EHMT1: variants seen among roughly 807,000 people sequenced by gnomAD.
EHMT1 encodes histone-lysine N-methyltransferase EHMT1.
EHMT1 carries 15 observed loss-of-function variants against 147.2 expected under a neutral mutation model. That is an observed-to-expected ratio of 0.10 (90% CI 0.07 to 0.16). The LOEUF (loss-of-function observed/expected upper bound fraction) is 0.16. Among genes scored for constraint, EHMT1 ranks in the 10% least tolerant of loss-of-function variants. EHMT1 has a pLI of 1.00. For missense variants in EHMT1, 1,587 were observed against 1,772.4 expected (o/e 0.90, Z 1.88); for synonymous variants, 795 against 709.6 (o/e 1.12, Z -1.91).
chr9:137,780,376 T>TGTGATGATGCTGGGATGTGTG lies in EHMT1; in HGVS notation c.2275+666_2275+667insTGCTGGGATGTGTGGTGATGA, dbSNP rs1564746333. Among the ~76,000 whole-genome samples the TGTGATGATGCTGGGATGTGTG allele has an allele frequency of 1.6e-4, 13 of 81,872 alleles. 2 individuals carry two copies. Among genetic ancestry groups the TGTGATGATGCTGGGATGTGTG allele is most frequent in the African/African-American group, 5.9e-4 (13 of 22,068 alleles). 53.7% of individuals were successfully genotyped at this position (81,872 alleles called of 152,430 possible). A position where few individuals can be genotyped will look rare whatever the true frequency, so the allele number is the denominator to read the frequency against. On this transcript the variant is annotated intron_variant, in intron 14 of 26. Transcript: ENST00000460843. Reference sequence around the variant, plus strand: ...GACGTGTGGTGATGACGCTGAGACGTGTGATGACGCTGGGATGTGTGGTGA... The same window carrying TGTGATGATGCTGGGATGTGTG: ...GACGTGTGGTGATGACGCTGAGACGTGTGATGATGCTGGGATGTGTGGTGATGACGCTGGGATGTGTGGTGA...
chr9:137,710,854 C>T, intron 1 of EHMT1, 113 bp from the exon 2 acceptor site: 4 of 1,186,502 alleles, frequency 3.4e-6, no homozygotes, highest in Non-Finnish European at 4.8e-6. Flanking sequence ...GACTGTCCAG[C>T]AGCTCATGGT....
At chr9:137,734,803 G>C (rs1395655919) in intron 4 of EHMT1, among the ~76,000 whole-genome samples, 1 of 152,200 alleles carries the variant, frequency 6.6e-6, no homozygotes, top group Non-Finnish European at 1.5e-5. Context: ...GGTATATTAA[G>C]AGTGATAAAA....
intron 1 of EHMT1, among the ~76,000 whole-genome samples, chr9:137,628,844 C>T (rs1402385117): frequency 6.6e-6 from 1 of 152,222 alleles, no homozygotes; most frequent in Non-Finnish European, 1.5e-5. Context: ...CCCTGGTTTC[C>T]TTCTTCTGCT....
Position 137,776,464 on chromosome 9 carries a change from C to T in EHMT1, c.1792-154C>T, listed in dbSNP as rs936389057. 1.4e-5 allele frequency: 10 copies of T among 690,500 alleles called. 1 individual carries two copies. Among genetic ancestry groups the T allele is most frequent in the South Asian group, 5.1e-5 (3 of 59,192 alleles). 42.8% of individuals were successfully genotyped at this position (690,500 alleles called of 1,614,324 possible). A position where few individuals can be genotyped will look rare whatever the true frequency, so the allele number is the denominator to read the frequency against. On this transcript the variant is annotated intron_variant, in intron 11 of 26. Coordinates refer to ENST00000460843, the MANE Select transcript of EHMT1 (RefSeq NM_024757.5). The surrounding 1 kb of genome is among the most constrained non-coding windows in gnomAD (Gnocchi z 4.4). Reference sequence around the variant, plus strand: ...GGGAAGCATCGTTCCTCCTTCTTAACGATGCCTGGGGCCAAGACTGGACCC... The same window carrying T: ...GGGAAGCATCGTTCCTCCTTCTTAATGATGCCTGGGGCCAAGACTGGACCC...
intron 3 of EHMT1, among the ~76,000 whole-genome samples, chr9:137,726,793 C>T (rs148483458): frequency 4.2e-4 from 64 of 152,328 alleles, no homozygotes; most frequent in South Asian, 1.9e-3. Context: ...AGTAGCCATC[C>T]ATGCTGCTCA....
intron 1 of EHMT1, among the ~76,000 whole-genome samples, chr9:137,622,511 G>A (rs1210044755): frequency 2.0e-5 from 3 of 152,166 alleles, no homozygotes; most frequent in Non-Finnish European, 4.4e-5. Context: ...GTATTGTCAT[G>A]TCTTTATTCA....
At chr9:137,758,062 T>C (rs1225142631) in intron 9 of EHMT1, 51 bp downstream of exon 9, 2 of 1,612,756 alleles carry the variant, frequency 1.2e-6, no homozygotes, top group Non-Finnish European at 1.7e-6. Context: ...TCCTTTGTCT[T>C]CTGGGCTCCT....
chr9:137,695,529 C>A (rs183207673), intron 1 of EHMT1, among the ~76,000 whole-genome samples: 1 of 152,362 alleles, frequency 6.6e-6, no homozygotes, highest in East Asian at 1.9e-4. Flanking sequence ...GGAATTCAGA[C>A]GGCACAGAGG....
In EHMT1 at chr9:137,786,513, G is replaced by T. The variant is rs1162859842; in HGVS notation, c.2382+4116G>T. The stretch of plus-strand genomic sequence containing the variant: ...CTGGCCACACCAGTGAGGGCCTGTG[G>T]TGTCATCTCCCCCGGGCTCTGGTCT... On this transcript the variant is annotated intron_variant, in intron 15 of 26. Transcript: ENST00000460843. This position sits in a 1 kb window ranked among gnomAD's most constrained non-coding sequence, Gnocchi z 4.3. 1.3e-5 allele frequency: 2 copies of T among 153,952 alleles called. No individual in the cohort carries two copies. Among genetic ancestry groups the T allele is most frequent in the Admixed American group, 1.3e-4 (2 of 15,284 alleles). The allele number at this position is 153,952 out of a possible 1,614,324, so 9.5% of individuals were successfully genotyped here. A position where few individuals can be genotyped will look rare whatever the true frequency, so the allele number is the denominator to read the frequency against.
intron 10 of EHMT1, among the ~76,000 whole-genome samples, chr9:137,770,896 T>G (rs911056834): frequency 2.6e-5 from 4 of 152,216 alleles, no homozygotes; most frequent in African/African-American, 7.2e-5. Flanking sequence ...TGAGTTTGTT[T>G]TGTTTGTTTT....
intron 15 of EHMT1, chr9:137,784,173 G>C: frequency 6.4e-7 from 1 of 1,551,282 alleles, no homozygotes; most frequent in Non-Finnish European, 8.7e-7. Flanking sequence ...ACCTCGTGCT[G>C]TTCCCGAACA....
chr9:137,752,478 G>T, intron 7 of EHMT1, 70 bp downstream of exon 7: 2 of 1,552,606 alleles, frequency 1.3e-6, no homozygotes, highest in South Asian at 1.2e-5. Context: ...GCGTCCTTCA[G>T]TTCTTTACCC....
intron 10 of EHMT1, among the ~76,000 whole-genome samples, chr9:137,770,716 C>G (rs1208684350): frequency 2.6e-5 from 4 of 152,200 alleles, no homozygotes; most frequent in African/African-American, 9.7e-5. Context: ...ATGTAGGCCT[C>G]ACACCAAGGA....
Position 137,811,634 on chromosome 9 carries a change from C to A in EHMT1, c.2867+19C>A. On this transcript the variant is annotated intron_variant, in intron 19 of 26. Coordinates refer to ENST00000460843, the MANE Select transcript of EHMT1 (RefSeq NM_024757.5). Reference sequence around the variant, plus strand: ...GTGTCGTGTGAGTGCAGTGCTTCCCCCAGCGCGGGCTGGCGCTGACCTGAC... The same window carrying A: ...GTGTCGTGTGAGTGCAGTGCTTCCCACAGCGCGGGCTGGCGCTGACCTGAC... The A allele has an allele frequency of 6.3e-7, 1 of 1,599,514 alleles. No homozygotes were observed. The highest frequency in any genetic ancestry group is 8.5e-7 in the Non-Finnish European group (1 of 1,179,896).
intron 1 of EHMT1, among the ~76,000 whole-genome samples, chr9:137,699,286 T>C (rs1047333209): frequency 3.3e-5 from 5 of 152,386 alleles, no homozygotes; most frequent in Non-Finnish European, 4.4e-5. Context: ...ATTGGATGCA[T>C]GGTCATTTCG....
intron 1 of EHMT1, among the ~76,000 whole-genome samples, chr9:137,709,612 C>G (rs1413603045): frequency 6.6e-6 from 1 of 152,086 alleles, no homozygotes; most frequent in South Asian, 2.1e-4. Context: ...GTTGAGAGGC[C>G]CCATTGTTGA....
intron 14 of EHMT1, among the ~76,000 whole-genome samples, chr9:137,781,394 G>T (rs1951531419): frequency 6.7e-6 from 1 of 148,746 alleles, no homozygotes; most frequent in South Asian, 2.1e-4. Context: ...TGGTGATGAC[G>T]CTGGGATGTG....
chr9:137,822,319 G>A (rs1564826464), intron 25 of EHMT1, among the ~76,000 whole-genome samples: 2 of 152,308 alleles, frequency 1.3e-5, no homozygotes, highest in South Asian at 2.1e-4. Context: ...CTGCCATCAC[G>A]AGGAAACCTG....
intron 25 of EHMT1, among the ~76,000 whole-genome samples, chr9:137,820,468 A>G (rs771838272): frequency 6.6e-6 from 1 of 152,204 alleles, no homozygotes; most frequent in Non-Finnish European, 1.5e-5. Flanking sequence ...TTTCCTAATG[A>G]TGTCTAGGAG....
Sources: gnomAD v4.1 joint callset for allele counts (sites outside exome capture counted in the v4.1 genomes callset) on GRCh38, gnomAD v4.1.1 for gene constraint, Gnocchi (gnomAD v3.1) non-coding constraint, MANE v1.5 for transcripts, NCBI Gene and HGNC (gene_info 2026-07-23, HGNC 2026-07-21) for gene names.